CTIF: variants seen among roughly 807,000 people sequenced by gnomAD.
CTIF encodes cap binding complex dependent translation initiation factor, also known as CBP80/20-dependent translation initiation factor.
Under a neutral mutation model 66.0 loss-of-function variants are expected in CTIF, and 21 were observed. That is an observed-to-expected ratio of 0.32 (90% CI 0.23 to 0.46). The LOEUF is 0.46. CTIF is among the 20% of genes least tolerant of loss of function. The pLI, the probability that CTIF is intolerant of heterozygous loss-of-function variation, is 1.00. For synonymous variants in CTIF, 345 were observed against 326.4 expected (o/e 1.06, Z -0.62); for missense variants, 739 against 812.7 (o/e 0.91, Z 1.10).
intron 9 of CTIF, among the ~76,000 whole-genome samples, chr18:48,783,325 G>A (rs1219507239): frequency 6.6e-6 from 1 of 152,148 alleles, no homozygotes; most frequent in East Asian, 1.9e-4. Context: ...GGAAGGACTG[G>A]CTACTACTCT....
chr18:48,771,559 C>A (rs563980407), intron 9 of CTIF, among the ~76,000 whole-genome samples: 3 of 152,234 alleles, frequency 2.0e-5, no homozygotes, highest in African/African-American at 4.8e-5. Context: ...CCTCACCCCC[C>A]ACCCAGGGTT....
intron 5 of CTIF, among the ~76,000 whole-genome samples, chr18:48,666,615 C>A (rs569063964): frequency 2.6e-5 from 4 of 152,232 alleles, no homozygotes; most frequent in African/African-American, 9.7e-5. Context: ...GCCTCTCACA[C>A]GCCTCTTTTT....
At chr18:48,633,346 T>C (rs933905326) in intron 2 of CTIF, among the ~76,000 whole-genome samples, 1 of 152,212 alleles carries the variant, frequency 6.6e-6, no homozygotes, top group African/African-American at 2.4e-5. Flanking sequence ...TACAGTACTT[T>C]AAACATTATA....
chr18:48,587,742 C>G lies in CTIF; in HGVS notation c.-28-31796C>G, dbSNP rs1475915670. ...TTTTAGCTGTATTTTTCTTTTTTCCCCCAAAAGATTATGACACCTGTAAGA... is the reference window on the plus strand; with the variant it reads ...TTTTAGCTGTATTTTTCTTTTTTCCGCCAAAAGATTATGACACCTGTAAGA... On this transcript the variant is annotated intron_variant, in intron 1 of 11. Coordinates refer to ENST00000256413, the MANE Select transcript of CTIF (RefSeq NM_014772.3). Among the ~76,000 whole-genome samples, 3 of 152,224 alleles carry G rather than the reference C, an allele frequency of 2.0e-5. No homozygotes were observed. The East Asian group carries it at 5.8e-4, about 29-fold the overall frequency.
At chr18:48,555,991 G>C (rs1166458900) in intron 1 of CTIF, among the ~76,000 whole-genome samples, 2 of 152,202 alleles carry the variant, frequency 1.3e-5, no homozygotes, top group African/African-American at 4.8e-5. Flanking sequence ...CCAGGAGGAG[G>C]CAGGCAGGAC....
At chr18:48,840,832 T>G (rs1163752139) in intron 10 of CTIF, among the ~76,000 whole-genome samples, 1 of 151,680 alleles carries the variant, frequency 6.6e-6, no homozygotes, top group African/African-American at 2.4e-5. Context: ...AGGATAGCCC[T>G]CCAACCCAGC....
chr18:48,747,537 A>G (rs989483407), intron 7 of CTIF, among the ~76,000 whole-genome samples: 3 of 152,010 alleles, frequency 2.0e-5, no homozygotes, highest in Admixed American at 1.3e-4. Context: ...TGGGGTCACT[A>G]CTCAGTTTCA....
intron 7 of CTIF, among the ~76,000 whole-genome samples, chr18:48,730,379 A>T (rs1387525822): frequency 7.0e-5 from 8 of 113,774 alleles, no homozygotes; most frequent in Admixed American, 2.9e-4. Flanking sequence ...CTGCGGTGTG[A>T]GGGGCTCCTG....
At chr18:48,622,897 A>G (rs3786179) in intron 2 of CTIF, among the ~76,000 whole-genome samples, 1 of 152,106 alleles carries the variant, frequency 6.6e-6, no homozygotes, top group African/African-American at 2.4e-5. Context: ...GCAGCAGGGC[A>G]TCCTCCAAAG....
intron 6 of CTIF, among the ~76,000 whole-genome samples, chr18:48,677,173 G>C (rs764512007): frequency 4.6e-5 from 7 of 152,178 alleles, no homozygotes; most frequent in Non-Finnish European, 8.8e-5. Flanking sequence ...GTGAGGATTA[G>C]TAAAGTGCCC....
At position 48,862,376 on chromosome 18, in the gene CTIF, G is replaced by A. The variant is rs2069491114; in HGVS notation, c.*2817G>A. On this transcript the variant is annotated 3_prime_UTR_variant, in exon 12 of 12. Transcript: ENST00000256413. ...TCTCAGTCTCCCCACTGCCTGTCAGGATGAGTTAGTCATTGTTTTTCTCCG... is the reference window on the plus strand; with the variant it reads ...TCTCAGTCTCCCCACTGCCTGTCAGAATGAGTTAGTCATTGTTTTTCTCCG... The A allele has an allele frequency of 6.6e-6, 1 of 152,546 alleles. No homozygotes were observed. Among genetic ancestry groups the A allele is most frequent in the African/African-American group, 2.4e-5 (1 of 41,458 alleles). The allele number at this position is 152,546 out of a possible 1,614,324, so 9.4% of individuals were successfully genotyped here.
At chr18:48,597,249 A>G (rs2090003088) in intron 1 of CTIF, among the ~76,000 whole-genome samples, 1 of 152,246 alleles carries the variant, frequency 6.6e-6, no homozygotes, top group African/African-American at 2.4e-5. Flanking sequence ...TAAGGGAACC[A>G]CAGCCTCCAG....
intron 9 of CTIF, among the ~76,000 whole-genome samples, chr18:48,769,675 G>A (rs574920761): frequency 1.3e-5 from 2 of 152,252 alleles, no homozygotes; most frequent in African/African-American, 4.8e-5. Context: ...TCCTATCCAT[G>A]TTCTTTGCCC....
At chr18:48,621,211 A>G (rs2090487111) in intron 2 of CTIF, among the ~76,000 whole-genome samples, 1 of 151,442 alleles carries the variant, frequency 6.6e-6, no homozygotes, top group African/African-American at 2.4e-5. Flanking sequence ...TAAAGCGGAA[A>G]ATGGAACGGG....
chr18:48,663,281 C>T (rs139611987), intron 3 of CTIF, among the ~76,000 whole-genome samples: 10 of 152,258 alleles, frequency 6.6e-5, no homozygotes, highest in African/African-American at 2.4e-4. Context: ...AGGATCGGCT[C>T]GACTCAGAGA....
intron 2 of CTIF, among the ~76,000 whole-genome samples, chr18:48,625,457 A>C (rs956568158): frequency 6.6e-6 from 1 of 152,328 alleles, no homozygotes. Flanking sequence ...TAAGAATTCA[A>C]ATATTAACAA....
intron 1 of CTIF, among the ~76,000 whole-genome samples, chr18:48,619,031 T>A (rs1333412173): frequency 1.3e-5 from 2 of 152,300 alleles, no homozygotes; most frequent in East Asian, 3.9e-4. Flanking sequence ...TAGGGGACAG[T>A]CTGGTGACTG....
intron 10 of CTIF, among the ~76,000 whole-genome samples, chr18:48,822,183 C>T (rs550113377): frequency 6.6e-6 from 1 of 151,988 alleles, no homozygotes; most frequent in African/African-American, 2.4e-5. Context: ...AGTATTCCAT[C>T]GTATGTATAT....
intron 9 of CTIF, among the ~76,000 whole-genome samples, chr18:48,763,102 C>T (rs751114370): frequency 6.6e-5 from 10 of 152,170 alleles, no homozygotes; most frequent in Non-Finnish European, 1.3e-4. Flanking sequence ...TGGAGAGTGG[C>T]GGGCAGAGAA....
Sources: gnomAD v4.1 joint callset for allele counts (sites outside exome capture counted in the v4.1 genomes callset) on GRCh38, gnomAD v4.1.1 for gene constraint, MANE v1.5 for transcripts, NCBI Gene and HGNC (gene_info 2026-07-23, HGNC 2026-07-21) for gene names.